SAMSN1: variants seen among roughly 807,000 people sequenced by gnomAD.
SAMSN1 encodes the protein SAM domain-containing protein SAMSN-1.
SAMSN1 carries 31 observed loss-of-function variants against 42.0 expected under a neutral mutation model. The ratio of observed to expected loss-of-function variants is 0.74; its 90% CI spans 0.55 to 1.00. The LOEUF is 1.00. SAMSN1 is among the 50% of genes least tolerant of loss of function. The pLI is 0.00. For missense variants in SAMSN1, 464 were observed against 439.4 expected (o/e 1.06, Z -0.50); for synonymous variants, 178 against 151.9 (o/e 1.17, Z -1.26).
chr21:14,546,426 A>AT (rs1288136998), upstream of SAMSN1: 1,112 of 1,168,668 alleles, frequency 9.5e-4, no homozygotes, highest in Middle Eastern at 1.4e-3. Flanking sequence ...TACATGGGTA[A>AT]TTTTTTTTTC....
chr21:14,508,270 A>G (rs143310735), intron 5 of SAMSN1, among the ~76,000 whole-genome samples: 423 of 152,372 alleles, frequency 2.8e-3, no homozygotes, highest in African/African-American at 9.6e-3. Flanking sequence ...GCAAACAGAC[A>G]ACCCACAGGG....
chr21:14,625,758 C>T (rs1240225419), intron 2 of SAMSN1, among the ~76,000 whole-genome samples: 1 of 152,184 alleles, frequency 6.6e-6, no homozygotes, highest in African/African-American at 2.4e-5. Context: ...TGACTTTCTT[C>T]ACAGAATTGG....
At chr21:14,498,087 T>C (rs1005611685) in intron 7 of SAMSN1, among the ~76,000 whole-genome samples, 1 of 152,204 alleles carries the variant, frequency 6.6e-6, no homozygotes, top group Admixed American at 6.5e-5. Flanking sequence ...ACAGAAGCCA[T>C]GTGTGACATT....
intron 2 of SAMSN1, among the ~76,000 whole-genome samples, chr21:14,636,831 T>C (rs909980232): frequency 6.6e-6 from 1 of 152,034 alleles, no homozygotes; most frequent in Non-Finnish European, 1.5e-5. Context: ...GCCACTGCAC[T>C]CCAGCCTGGG....
At chr21:14,632,056 A>T (rs901778195) in intron 2 of SAMSN1, among the ~76,000 whole-genome samples, 1 of 152,220 alleles carries the variant, frequency 6.6e-6, no homozygotes, top group African/African-American at 2.4e-5. Context: ...CTAACTTAAG[A>T]CACTGATACA....
At chr21:14,620,666 G>A (rs1432590097) in intron 2 of SAMSN1, among the ~76,000 whole-genome samples, 1 of 152,198 alleles carries the variant, frequency 6.6e-6, no homozygotes, top group Non-Finnish European at 1.5e-5. Flanking sequence ...ACCAGTGACT[G>A]TTGATCTCAG....
upstream of SAMSN1, among the ~76,000 whole-genome samples, chr21:14,547,323 G>A (rs1313523259): frequency 1.3e-5 from 2 of 152,002 alleles, no homozygotes; most frequent in African/African-American, 4.8e-5. Flanking sequence ...ATGGATCAAC[G>A]GTTTCTTCAA....
chr21:14,619,223 G>C (rs1222966714), intron 2 of SAMSN1, among the ~76,000 whole-genome samples: 1 of 152,152 alleles, frequency 6.6e-6, no homozygotes, highest in Non-Finnish European at 1.5e-5. Context: ...CCTGTTTCTT[G>C]CTTTATTGCT....
At chr21:14,614,391 T>A (rs1348519997) in intron 3 of SAMSN1, among the ~76,000 whole-genome samples, 2 of 152,106 alleles carry the variant, frequency 1.3e-5, no homozygotes, top group Non-Finnish European at 2.9e-5. Flanking sequence ...TATGTATGAT[T>A]GAAAATTTCC....
chr21:14,626,989 A>C (rs565223783), intron 2 of SAMSN1, among the ~76,000 whole-genome samples: 130 of 152,324 alleles, frequency 8.5e-4, no homozygotes, highest in Admixed American at 2.1e-3. Flanking sequence ...GACATGAATG[A>C]AGCTGGAAAC....
chr21:14,605,603 T>C (rs1052249950), intron 5 of SAMSN1, among the ~76,000 whole-genome samples: 8 of 152,200 alleles, frequency 5.3e-5, no homozygotes, highest in Non-Finnish European at 8.8e-5. Flanking sequence ...ATTAATAAGA[T>C]CTTGAAAAAT....
chr21:14,489,076 T>G (rs1030100370), intron 7 of SAMSN1, among the ~76,000 whole-genome samples: 3 of 152,198 alleles, frequency 2.0e-5, no homozygotes, highest in African/African-American at 7.2e-5. Flanking sequence ...GCAGAGGAGA[T>G]GAATTCACAT....
intron 5 of SAMSN1, among the ~76,000 whole-genome samples, chr21:14,505,461 C>A (rs529142944): frequency 6.6e-6 from 1 of 152,128 alleles, no homozygotes; most frequent in South Asian, 2.1e-4. Context: ...TTATATCAGA[C>A]AAAACAAACT....
At chr21:14,543,158 G>A (rs541187551) in intron 1 of SAMSN1, among the ~76,000 whole-genome samples, 126 of 152,148 alleles carry the variant, frequency 8.3e-4, no homozygotes, top group African/African-American at 3.0e-3. Flanking sequence ...ACATGCAATG[G>A]GTTTCTTTTG....
At chr21:14,530,586 G>A (rs1979205966) in intron 1 of SAMSN1, among the ~76,000 whole-genome samples, 1 of 152,100 alleles carries the variant, frequency 6.6e-6, no homozygotes, top group African/African-American at 2.4e-5. Flanking sequence ...ATTTTTCATT[G>A]TCTGGATGAA....
intron 2 of SAMSN1, among the ~76,000 whole-genome samples, chr21:14,576,029 A>T (rs1981449226): frequency 6.6e-6 from 1 of 152,202 alleles, no homozygotes; most frequent in Non-Finnish European, 1.5e-5. Flanking sequence ...GATGGAAAAA[A>T]ATATCATTGT....
intron 2 of SAMSN1, among the ~76,000 whole-genome samples, chr21:14,635,583 C>A (rs1983448459): frequency 6.6e-6 from 1 of 152,090 alleles, no homozygotes; most frequent in Non-Finnish European, 1.5e-5. Flanking sequence ...AAAATCAATA[C>A]TTTTAGATAA....
chr21:14,612,158 G>A (rs895264748), intron 4 of SAMSN1, among the ~76,000 whole-genome samples: 8 of 152,160 alleles, frequency 5.3e-5, no homozygotes, highest in Non-Finnish European at 8.8e-5. Flanking sequence ...GCTTGAACCC[G>A]GGAGGCAGAG....
At chr21:14,497,903 TAC>T (rs1986978146) in intron 7 of SAMSN1, among the ~76,000 whole-genome samples, 1 of 152,316 alleles carries the variant, frequency 6.6e-6, no homozygotes, top group African/African-American at 2.4e-5. Context: ...AGTTAATACT[TAC>T]AAATACAGAG....
Sources: gnomAD v4.1 joint callset for allele counts (sites outside exome capture counted in the v4.1 genomes callset) on GRCh38, gnomAD v4.1.1 for gene constraint, MANE v1.5 for transcripts, NCBI Gene and HGNC (gene_info 2026-07-23, HGNC 2026-07-21) for gene names.